Variants in SLC25A21 observed in about 807,000 individuals in gnomAD.
SLC25A21 encodes the protein mitochondrial 2-oxodicarboxylate carrier.
In SLC25A21, 47 loss-of-function variants were observed where a neutral mutation model predicts 43.8. The observed-to-expected ratio is 1.07, with a 90% CI of 0.85 to 1.37. SLC25A21 has a LOEUF of 1.37. SLC25A21 is among the 40% of genes most tolerant of loss of function. The pLI is 0.00. For synonymous variants in SLC25A21, 131 were observed against 121.3 expected, an observed-to-expected ratio of 1.08 and a Z score of -0.52; for missense variants, 352 against 350.2, an observed-to-expected ratio of 1.00 and a Z score of -0.04.
In SLC25A21 at chr14:36,846,671, T is replaced by C. The variant is rs145927557; in HGVS notation, c.119+28285A>G. Among the ~76,000 whole-genome samples the C allele has an allele frequency of 3.7e-3, 563 of 152,336 alleles. 2 individuals carry two copies. Among genetic ancestry groups the C allele is most frequent in the Middle Eastern group, 0.014 (4 of 294 alleles). ...TGCTGGAATTACAGGCATGAGCTACTGTGCCCTGCCACAGCAAACCAGACT... is the reference window on the plus strand; with the variant it reads ...TGCTGGAATTACAGGCATGAGCTACCGTGCCCTGCCACAGCAAACCAGACT... On this transcript the variant is annotated intron_variant, in intron 2 of 9. Transcript: ENST00000331299.
rs1594359852 is a variant in SLC25A21, at chr14:37,172,279, A to C, written c.70+2T>G. On this transcript the variant is annotated splice_donor_variant, in intron 1 of 9. Transcript: ENST00000331299. LOFTEE classifies it high-confidence loss of function. ...CGGCGGGGCAGGGCGGGCTGTCCTT[A>C]CCTGCAGAACCACCGGCCACGATCT... 1 of 1,593,892 alleles carries C rather than the reference A, an allele frequency of 6.3e-7. No individual in the cohort carries two copies. Among genetic ancestry groups the C allele is most frequent in the Non-Finnish European group, 8.5e-7 (1 of 1,170,640 alleles).
chr14:36,697,524 A>G (rs1275309614), intron 7 of SLC25A21, among the ~76,000 whole-genome samples: 1 of 152,058 alleles, frequency 6.6e-6, no homozygotes, highest in Non-Finnish European at 1.5e-5. Context: ...AAAGTCTCCC[A>G]TTATTATTTT....
chr14:37,045,486 G>C (rs997783756), intron 1 of SLC25A21, among the ~76,000 whole-genome samples: 1 of 152,162 alleles, frequency 6.6e-6, no homozygotes, highest in African/African-American at 2.4e-5. Flanking sequence ...GAAAAGAGTA[G>C]GTTTCTTCGA....
chr14:36,763,831 C>A (rs2139283334), intron 3 of SLC25A21, among the ~76,000 whole-genome samples: 1 of 151,528 alleles, frequency 6.6e-6, no homozygotes, highest in African/African-American at 2.4e-5. Context: ...GAGTTCAAGA[C>A]CAACTTGGCC....
At position 37,138,506 on chromosome 14, in the gene SLC25A21, A is replaced by G. The variant is rs1214376025; in HGVS notation, c.70+33775T>C. Among the ~76,000 whole-genome samples the G allele has an allele frequency of 2.6e-5, 4 of 152,178 alleles. No individual in the cohort carries two copies. The East Asian group carries it at 7.7e-4, about 29-fold the overall frequency. On this transcript the variant is annotated intron_variant, in intron 1 of 9. Transcript: ENST00000331299. ...TCCATAGCAAAGTGATTTTTAGTAT[A>G]TAGCATTCTTGCTGCTGATAGAAAT...
intron 1 of SLC25A21, among the ~76,000 whole-genome samples, chr14:37,031,440 G>A (rs1961208542): frequency 1.3e-5 from 2 of 152,094 alleles, no homozygotes; most frequent in African/African-American, 4.8e-5. Context: ...AATATAAAAT[G>A]TGGCTTATCA....
At chr14:37,098,786 C>CAGATAGATAGATAGATAGAT (rs1407209801) in intron 1 of SLC25A21, among the ~76,000 whole-genome samples, 30 of 139,190 alleles carry the variant, frequency 2.2e-4, no homozygotes, top group African/African-American at 8.9e-4. Context: ...GACAGACAGA[C>CAGATAGATAGATAGATAGAT]AGATAGATAG....
chr14:36,931,238 C>A (rs1032592339), intron 1 of SLC25A21, among the ~76,000 whole-genome samples: 2 of 152,096 alleles, frequency 1.3e-5, no homozygotes, highest in Non-Finnish European at 2.9e-5. Context: ...AATATCACTC[C>A]CAACAGCGAG....
intron 3 of SLC25A21, among the ~76,000 whole-genome samples, chr14:36,805,562 G>T (rs1181759133): frequency 6.6e-6 from 1 of 152,128 alleles, no homozygotes; most frequent in African/African-American, 2.4e-5. Flanking sequence ...GCAACTGTGT[G>T]GCTTAGCAGT....
Position 37,161,799 on chromosome 14 carries a change from A to G in SLC25A21, c.70+10482T>C, listed in dbSNP as rs548004092. ...CATGGTGAAACCCCGTCTCTACTAAAAAAAATACAAAAAATTAGCAAGGCA... is the reference window on the plus strand; with the variant it reads ...CATGGTGAAACCCCGTCTCTACTAAGAAAAATACAAAAAATTAGCAAGGCA... On this transcript the variant is annotated intron_variant, in intron 1 of 9. Coordinates refer to ENST00000331299, the MANE Select transcript of SLC25A21 (RefSeq NM_030631.4). 1.4e-3 allele frequency among the ~76,000 whole-genome samples: 214 copies of G among 151,658 alleles called. 2 individuals are homozygous for G. Among genetic ancestry groups the G allele is most frequent in the Admixed American group, 1.8e-3 (28 of 15,240 alleles).
intron 2 of SLC25A21, among the ~76,000 whole-genome samples, chr14:36,819,514 TTG>T (rs905773271): frequency 2.0e-5 from 3 of 152,152 alleles, no homozygotes; most frequent in African/African-American, 4.8e-5. Context: ...CCACTTCCAC[TTG>T]TTTGAGTACT....
Position 36,678,286 on chromosome 14 carries a change from A to C in SLC25A21, c.*2372T>G. On this transcript the variant is annotated 3_prime_UTR_variant, in exon 10 of 10. Coordinates refer to ENST00000331299, the MANE Select transcript of SLC25A21 (RefSeq NM_030631.4). ...ATTTCTGACACACAAATTATGTTAG[A>C]GTGACTGCTTTTTTCAGACAGCAGA... The C allele has an allele frequency of 1.7e-6, 1 of 579,574 alleles. No individual in the cohort carries two copies. Among genetic ancestry groups the C allele is most frequent in the East Asian group, 2.8e-5 (1 of 35,986 alleles). 35.9% of individuals were successfully genotyped at this position (579,574 alleles called of 1,614,324 possible). A position where few individuals can be genotyped will look rare whatever the true frequency, so the allele number is the denominator to read the frequency against.
chr14:36,855,234 C>T (rs978315303), intron 2 of SLC25A21, among the ~76,000 whole-genome samples: 2 of 151,712 alleles, frequency 1.3e-5, no homozygotes, highest in African/African-American at 2.4e-5. Context: ...GACGCTTAGG[C>T]ATGGGTTAAT....
intron 1 of SLC25A21, among the ~76,000 whole-genome samples, chr14:37,165,372 G>A (rs1236028481): frequency 2.0e-5 from 3 of 150,470 alleles, no homozygotes; most frequent in Non-Finnish European, 3.0e-5. Flanking sequence ...GTGAGACTCC[G>A]TCTCAAAAAA....
intron 1 of SLC25A21, among the ~76,000 whole-genome samples, chr14:37,005,895 C>T (rs990598138): frequency 1.3e-5 from 2 of 152,120 alleles, no homozygotes; most frequent in Non-Finnish European, 2.9e-5. Flanking sequence ...AAATAGAGCC[C>T]ATTATCCATT....
At position 36,820,908 on chromosome 14, in the gene SLC25A21, A is replaced by T. The variant is rs931494674; in HGVS notation, c.120-6907T>A. Among the ~76,000 whole-genome samples the T allele has an allele frequency of 3.3e-5, 5 of 152,352 alleles. No individual in the cohort carries two copies. In the East Asian group the frequency reaches 9.6e-4, roughly 29 times the overall value. On this transcript the variant is annotated intron_variant, in intron 2 of 9. Coordinates refer to ENST00000331299, the MANE Select transcript of SLC25A21 (RefSeq NM_030631.4). Reference sequence around the variant, plus strand: ...AAACACTTGAGAAGCCCACTAATGAATCAGAGATTAACAGACTAAAGGTTT... The same window carrying T: ...AAACACTTGAGAAGCCCACTAATGATTCAGAGATTAACAGACTAAAGGTTT...
chr14:36,998,383 G>A (rs1372096924), intron 1 of SLC25A21, among the ~76,000 whole-genome samples: 2 of 152,052 alleles, frequency 1.3e-5, no homozygotes, highest in African/African-American at 2.4e-5. Context: ...TTTGGAATAC[G>A]GACAGAGATA....
intron 1 of SLC25A21, among the ~76,000 whole-genome samples, chr14:37,035,809 A>AG (rs1961314851): frequency 6.6e-6 from 1 of 152,240 alleles, no homozygotes; most frequent in South Asian, 2.1e-4. Flanking sequence ...AGCTAAAGGA[A>AG]GAATTACCCA....
intron 3 of SLC25A21, among the ~76,000 whole-genome samples, chr14:36,776,044 A>C: frequency 6.7e-6 from 1 of 149,386 alleles, no homozygotes; most frequent in African/African-American, 2.5e-5. Context: ...CTGCTTTTCA[A>C]CCTCATCCAC....
Sources: allele counts gnomAD v4.1 joint callset (sites outside exome capture counted in the v4.1 genomes callset), GRCh38; gene constraint gnomAD v4.1.1; transcripts MANE v1.5; gene names NCBI Gene and HGNC (gene_info 2026-07-23, HGNC 2026-07-21).